CST5: variants seen among roughly 807,000 people sequenced by gnomAD.
The protein encoded by CST5 is cystatin D.
Under a neutral mutation model 11.5 loss-of-function variants are expected in CST5, and 13 were observed. The ratio of observed to expected loss-of-function variants is 1.13; its 90% confidence interval spans 0.73 to 1.79. CST5 has a LOEUF of 1.79. CST5 is among the 40% of genes most tolerant of loss of function. The probability of loss-of-function intolerance (pLI) is 0.00; values close to 1 mark genes in which losing one functional copy is unlikely to be tolerated. For missense variants in CST5, 219 were observed against 174.5 expected, an observed-to-expected ratio of 1.25 and a Z score of -1.44; for synonymous variants, 81 against 67.6, an observed-to-expected ratio of 1.20 and a Z score of -0.97.
chr20:23,879,536 GGCACACT>G lies in CST5; in HGVS notation c.134_140del (p.Gln45ProfsTer25). On this transcript the variant is annotated frameshift_variant, in exon 1 of 3. Transcript: ENST00000304710. LOFTEE classifies it high-confidence loss of function. Reference sequence around the variant, plus strand: ...TGTACTCGCTGATGGCAAAGTCCAGGGCACACTGCACACTCTTGTCATTGAGGTCTGT... The same window carrying G: ...TGTACTCGCTGATGGCAAAGTCCAGGGCACACTCTTGTCATTGAGGTCTGT... 3 of 1,613,968 alleles carry G rather than the reference GGCACACT, an allele frequency of 1.9e-6. No homozygotes were observed. The highest frequency in any genetic ancestry group is 2.5e-6 in the Non-Finnish European group (3 of 1,179,980).
chr20:23,878,628 C>A (rs1197844520), intron 1 of CST5, among the ~76,000 whole-genome samples: 1 of 151,480 alleles, frequency 6.6e-6, no homozygotes, highest in Non-Finnish European at 1.5e-5. Context: ...ACCACAGCAC[C>A]AGGGAATGCC....
chr20:23,878,638 C>T (rs1986013498), intron 1 of CST5, among the ~76,000 whole-genome samples: 1 of 149,974 alleles, frequency 6.7e-6, no homozygotes, highest in African/African-American at 2.4e-5. Flanking sequence ...CAGGGAATGC[C>T]CCTCCTGTGC....
chr20:23,877,990 C>A (rs1986000906), intron 1 of CST5, among the ~76,000 whole-genome samples: 1 of 152,156 alleles, frequency 6.6e-6, no homozygotes, highest in Non-Finnish European at 1.5e-5. Context: ...GCTTGCAGGG[C>A]AGGGTCTAAG....
rs760070122 is a variant in CST5, at chr20:23,879,481, T to G, written c.196A>C (p.Ser66Arg). The change falls in exon 1 of 3, where the codon AGC becomes CGC. Residue 66 changes from serine (S) to arginine (R), a missense_variant. Physicochemically the swap from Ser to Arg is moderately radical, Grantham distance 110 (BLOSUM62 -1). Transcript: ENST00000304710. Reference sequence around the variant, plus strand: ...GCAGCCATCACCTGCAGAGGGCGGCTGTAGTACTCATCCTTATTAATGACC... The same window carrying G: ...GCAGCCATCACCTGCAGAGGGCGGCGGTAGTACTCATCCTTATTAATGACC... Reference protein sequence around the residue: ...NKVINKDEYYSRPLQVMAAYQ... With the variant: ...NKVINKDEYYRRPLQVMAAYQ... 1 of 1,614,016 alleles carries G rather than the reference T, an allele frequency of 6.2e-7. No homozygotes were observed. The highest frequency in any genetic ancestry group is 2.2e-5 in the East Asian group (1 of 44,872).
At chr20:23,878,258 G>T (rs1986005751) in intron 1 of CST5, among the ~76,000 whole-genome samples, 1 of 152,174 alleles carries the variant, frequency 6.6e-6, no homozygotes, top group Admixed American at 6.5e-5. Flanking sequence ...ATTGCCTCCT[G>T]CATGCCTCCA....
chr20:23,878,639 C>T (rs1568569878), intron 1 of CST5, among the ~76,000 whole-genome samples: 1 of 152,338 alleles, frequency 6.6e-6, no homozygotes, highest in Non-Finnish European at 1.5e-5. Flanking sequence ...AGGGAATGCC[C>T]CTCCTGTGCA....
intron 1 of CST5, among the ~76,000 whole-genome samples, chr20:23,878,557 A>T (rs1165553078): frequency 6.6e-6 from 1 of 152,126 alleles, no homozygotes; most frequent in East Asian, 1.9e-4. Flanking sequence ...AACGATCTAC[A>T]TCATTCTGTG....
chr20:23,876,486 T>C (rs1444362158), intron 2 of CST5, among the ~76,000 whole-genome samples: 2 of 152,108 alleles, frequency 1.3e-5, no homozygotes, highest in Non-Finnish European at 2.9e-5. Context: ...CAGGTGACAT[T>C]GGGCCTTCAC....
At position 23,879,661 on chromosome 20, in the gene CST5, G is replaced by A. The variant is rs1379349777; in HGVS notation, c.16C>T (p.His6Tyr). 6 of 1,613,700 alleles carry A rather than the reference G, an allele frequency of 3.7e-6. No homozygotes were observed. The highest frequency in any genetic ancestry group is 2.2e-5 in the East Asian group (1 of 44,862). The change falls in exon 1 of 3, where the codon CAC (histidine) becomes TAC (tyrosine). Residue 6 changes from histidine (H) to tyrosine (Y), a missense_variant. Physicochemically the swap from His to Tyr is moderately conservative, Grantham distance 83 (BLOSUM62 2). Transcript: ENST00000304710. Reference sequence around the variant, plus strand: ...GCAGTCAGCAGCAGCAGTGGGGTGTGCATGGGCCACATCATGTTCTACTGG... The same window carrying A: ...GCAGTCAGCAGCAGCAGTGGGGTGTACATGGGCCACATCATGTTCTACTGG... MMWPM[H>Y]TPLLLLTALM...
rs144966018 is a variant in CST5 at position 23,879,476 on chromosome 20, G to A, written c.201C>T (p.Arg67=). The change falls in exon 1 of 3, where the codon CGC becomes CGT. Residue 67 remains arginine (R), a synonymous_variant. Transcript: ENST00000304710. ...GGTAGGCAGCCATCACCTGCAGAGGGCGGCTGTAGTACTCATCCTTATTAA... is the reference window on the plus strand; with the variant it reads ...GGTAGGCAGCCATCACCTGCAGAGGACGGCTGTAGTACTCATCCTTATTAA... ...KVINKDEYYS[R]PLQVMAAYQQ... 1.3e-3 allele frequency: 2,036 copies of A among 1,613,966 alleles called. 2 individuals carry two copies. Among genetic ancestry groups the A allele is most frequent in the Non-Finnish European group, 1.4e-3 (1,706 of 1,179,930 alleles).
chr20:23,876,199 G>T lies in CST5; in HGVS notation c.418C>A (p.Arg140=). The stretch of plus-strand genomic sequence containing the variant: ...CCTTGCACAGACCCCTAGACTTTCC[G>T]GCACTTGTAGTTCAGAATGGAAATT... ...DKISILNYKC[R]KV The change falls in exon 3 of 3, where the codon CGG becomes AGG. Residue 140 remains arginine, a synonymous_variant. Transcript: ENST00000304710. 6.2e-7 allele frequency: 1 copy of T among 1,613,418 alleles called. No homozygotes were observed. Among genetic ancestry groups the T allele is most frequent in the South Asian group, 1.1e-5 (1 of 91,052 alleles).
chr20:23,876,408 G>A (rs1480616252), intron 2 of CST5, 137 bp from the exon 3 acceptor site: 23 of 644,342 alleles, frequency 3.6e-5, no homozygotes, highest in East Asian at 5.8e-5. Flanking sequence ...TACCCCTGCC[G>A]AGTTCCAGGG....
chr20:23,877,430 CACACACAT>C, intron 2 of CST5, 67 bp downstream of exon 2: 1 of 1,135,756 alleles, frequency 8.8e-7, no homozygotes, highest in Non-Finnish European at 1.3e-6. Context: ...GATGCGTGCA[CACACACAT>C]ACACACACAC....
intron 1 of CST5, among the ~76,000 whole-genome samples, chr20:23,877,962 A>G (rs1986000188): frequency 6.6e-6 from 1 of 152,224 alleles, no homozygotes; most frequent in Admixed American, 6.5e-5. Context: ...TGGGACAAAG[A>G]AACAGTCCTG....
chr20:23,877,966 A>G lies in CST5; in HGVS notation c.232-348T>C, dbSNP rs1330389164. On this transcript the variant is annotated intron_variant, in intron 1 of 2. Coordinates refer to ENST00000304710, the MANE Select transcript of CST5 (RefSeq NM_001900.5). ...ACCAGCCAGGGTGGGACAAAGAAACAGTCCTGGCACCAGGCTTGCAGGGCA... is the reference window on the plus strand; with the variant it reads ...ACCAGCCAGGGTGGGACAAAGAAACGGTCCTGGCACCAGGCTTGCAGGGCA... 1.3e-5 allele frequency among the ~76,000 whole-genome samples: 2 copies of G among 152,218 alleles called. 1 individual carries two copies. The highest frequency in any genetic ancestry group is 2.9e-5 in the Non-Finnish European group (2 of 68,032).
At position 23,876,066 on chromosome 20, in the gene CST5, TG is replaced by T; in HGVS notation, c.*121del. Reference sequence around the variant, plus strand: ...AAGGCCTCCTGCCACCTTCTGTGTCTGTCTCCTGGTGCAGGCGCATGAGGAG... The same window carrying T: ...AAGGCCTCCTGCCACCTTCTGTGTCTTCTCCTGGTGCAGGCGCATGAGGAG... On this transcript the variant is annotated 3_prime_UTR_variant, in exon 3 of 3. Transcript: ENST00000304710. The T allele has an allele frequency of 1.5e-6, 1 of 689,146 alleles. No individual in the cohort carries two copies. The highest frequency in any genetic ancestry group is 2.5e-6 in the Non-Finnish European group (1 of 397,448). 42.7% of individuals were successfully genotyped at this position (689,146 alleles called of 1,614,324 possible).
At position 23,879,384 on chromosome 20, in the gene CST5, T is replaced by TG. The variant is rs546504521; in HGVS notation, c.231+61dup. ...TAATGTTGATTTGCTGGGAGTGCTCTGGGGGGTGAGGCAAAAAACCCAGCT... is the reference window on the plus strand; with the variant it reads ...TAATGTTGATTTGCTGGGAGTGCTCTGGGGGGGTGAGGCAAAAAACCCAGCT... On this transcript the variant is annotated intron_variant, in intron 1 of 2. Coordinates refer to ENST00000304710, the MANE Select transcript of CST5 (RefSeq NM_001900.5). The TG allele has an allele frequency of 3.5e-4, 435 of 1,237,536 alleles. 4 individuals are homozygous for TG. Among genetic ancestry groups the TG allele is most frequent in the South Asian group, 3.0e-3 (243 of 81,920 alleles). The allele number at this position is 1,237,536 out of a possible 1,614,324, so 76.7% of individuals were successfully genotyped here. A position where few individuals can be genotyped will look rare whatever the true frequency, so the allele number is the denominator to read the frequency against.
At position 23,876,186 on chromosome 20, in the gene CST5, C is replaced by T. The variant is rs1985957588; in HGVS notation, c.*2G>A. The T allele has an allele frequency of 6.2e-7, 1 of 1,612,350 alleles. No individual in the cohort carries two copies. Among genetic ancestry groups the T allele is most frequent in the South Asian group, 1.1e-5 (1 of 91,046 alleles). ...TCAGTGTGACAGGCCTTGCACAGACCCCTAGACTTTCCGGCACTTGTAGTT... is the reference window on the plus strand; with the variant it reads ...TCAGTGTGACAGGCCTTGCACAGACTCCTAGACTTTCCGGCACTTGTAGTT... On this transcript the variant is annotated 3_prime_UTR_variant, in exon 3 of 3. Transcript: ENST00000304710.
rs749574734 is a variant in CST5 at position 23,877,501 on chromosome 20, A to G, written c.345+4T>C. 3.1e-6 allele frequency: 5 copies of G among 1,613,138 alleles called. No homozygotes were observed. In the East Asian group the frequency reaches 1.1e-4, roughly 36 times the overall value. On this transcript the variant is annotated splice_donor_region_variant and intron_variant, in intron 2 of 2. Transcript: ENST00000304710. The stretch of plus-strand genomic sequence containing the variant: ...GATGCCCCTGACCCACATCAGGCAC[A>G]TACCTCTTTCAGTTTTGGCTGGTCA...
Sources: allele counts gnomAD v4.1 joint callset (sites outside exome capture counted in the v4.1 genomes callset), GRCh38; gene constraint gnomAD v4.1.1; transcripts MANE v1.5; gene names NCBI Gene and HGNC (gene_info 2026-07-23, HGNC 2026-07-21).